RARB: variants seen among roughly 807,000 people sequenced by gnomAD.
RARB encodes retinoic acid receptor beta.
Under a neutral mutation model 51.9 loss-of-function variants are expected in RARB, and 17 were observed. That is an observed-to-expected ratio of 0.33 (90% CI 0.22 to 0.49). The LOEUF is 0.49. RARB is among the 20% of genes least tolerant of loss of function. The pLI, the probability that RARB is intolerant of heterozygous loss-of-function variation, is 0.99. For missense variants in RARB, 369 were observed against 550.8 expected (o/e 0.67, Z 3.30); for synonymous variants, 215 against 195.4 (o/e 1.10, Z -0.84).
chr3:25,068,885 C>A (rs568020317), intron 3 of RARB, among the ~76,000 whole-genome samples: 49 of 152,036 alleles, frequency 3.2e-4, no homozygotes, highest in Middle Eastern at 3.4e-3. Context: ...CAATCAGCCA[C>A]ATGAGACCTT....
At chr3:25,197,667 A>G (rs913659385) in intron 5 of RARB, among the ~76,000 whole-genome samples, 6 of 152,048 alleles carry the variant, frequency 3.9e-5, no homozygotes, top group Admixed American at 1.3e-4. Context: ...GAAAAGGTAA[A>G]TGGAATTACT....
chr3:25,287,173 T>C lies in RARB; in HGVS notation c.178+112598T>C, dbSNP rs192321798. On this transcript the variant is annotated intron_variant, in intron 5 of 11. Transcript: ENST00000383772. Reference sequence around the variant, plus strand: ...ATGCATTGTTGAAATGCATAACATCTTGAACAAAGTTAACAACCTATGGTG... The same window carrying C: ...ATGCATTGTTGAAATGCATAACATCCTGAACAAAGTTAACAACCTATGGTG... 4.6e-5 allele frequency among the ~76,000 whole-genome samples: 7 copies of C among 152,372 alleles called. No homozygotes were observed. The East Asian group carries it at 1.4e-3, about 29-fold the overall frequency.
At chr3:25,056,143 T>A (rs1304332482) in intron 2 of RARB, among the ~76,000 whole-genome samples, 1 of 152,128 alleles carries the variant, frequency 6.6e-6, no homozygotes, top group African/African-American at 2.4e-5. Context: ...TATTTCCTGC[T>A]GGTAACAGGC....
intron 5 of RARB, among the ~76,000 whole-genome samples, chr3:25,370,395 G>T (rs568800555): frequency 6.6e-6 from 1 of 152,296 alleles, no homozygotes; most frequent in East Asian, 1.9e-4. Flanking sequence ...GGGTAGCAAG[G>T]TGCTTACACA....
chr3:24,909,826 TAGG>T (rs1694949817), intron 2 of RARB, among the ~76,000 whole-genome samples: 1 of 152,204 alleles, frequency 6.6e-6, no homozygotes, highest in Non-Finnish European at 1.5e-5. Context: ...TCTGATTGTG[TAGG>T]GCATAGAATT....
At chr3:25,447,586 G>A (rs188559223) in intron 1 of RARB, among the ~76,000 whole-genome samples, 1 of 152,268 alleles carries the variant, frequency 6.6e-6, no homozygotes, top group Non-Finnish European at 1.5e-5. Context: ...CAATGATTTG[G>A]GACTTTGGGT....
At chr3:25,396,080 C>T (rs1707105332) in intron 5 of RARB, among the ~76,000 whole-genome samples, 1 of 152,166 alleles carries the variant, frequency 6.6e-6, no homozygotes, top group Non-Finnish European at 1.5e-5. Context: ...TCCCCCTTCC[C>T]CTAGGGATGT....
At chr3:24,977,484 G>T (rs937790262) in intron 2 of RARB, among the ~76,000 whole-genome samples, 2 of 152,136 alleles carry the variant, frequency 1.3e-5, no homozygotes, top group Non-Finnish European at 2.9e-5. Context: ...CACATCCCTT[G>T]TAAGTTGGAT....
At chr3:25,490,819 G>A (rs1323051659) in intron 2 of RARB, among the ~76,000 whole-genome samples, 1 of 152,108 alleles carries the variant, frequency 6.6e-6, no homozygotes, top group Non-Finnish European at 1.5e-5. Context: ...CCAAGGAAGG[G>A]CACAAAATAA....
intron 5 of RARB, among the ~76,000 whole-genome samples, chr3:25,322,016 AAGAC>A (rs376144888): frequency 1.0e-3 from 154 of 152,326 alleles, no homozygotes; most frequent in Middle Eastern, 6.8e-3. Context: ...TAGAAAAAAA[AAGAC>A]AGAAGGAAAG....
At chr3:25,129,350 A>G (rs1474194701) in intron 3 of RARB, among the ~76,000 whole-genome samples, 1 of 152,060 alleles carries the variant, frequency 6.6e-6, no homozygotes, top group East Asian at 1.9e-4. Flanking sequence ...CAATTACAGT[A>G]TGTCTTTTTT....
At chr3:25,316,646 T>G (rs1704432715) in intron 5 of RARB, among the ~76,000 whole-genome samples, 1 of 152,176 alleles carries the variant, frequency 6.6e-6, no homozygotes, top group Non-Finnish European at 1.5e-5. Flanking sequence ...GGGCATAAAT[T>G]AGACCACAAA....
chr3:25,178,411 C>T (rs921634892), intron 5 of RARB, among the ~76,000 whole-genome samples: 2 of 152,030 alleles, frequency 1.3e-5, no homozygotes, highest in African/African-American at 2.4e-5. Flanking sequence ...TTAATAGCCT[C>T]GATGTCACTG....
At position 25,062,538 on chromosome 3, in the gene RARB, A is replaced by G. The variant is rs557168705; in HGVS notation, c.-328+2362A>G. ...ATGTTCAAAATGTTCACTGTGTATT[A>G]TAACTGAAAATCAAAGCCTGCTTAA... is the stretch of plus-strand genomic sequence containing the variant. On this transcript the variant is annotated intron_variant, in intron 3 of 11. Coordinates refer to the RARB transcript ENST00000383772. Among the ~76,000 whole-genome samples the G allele has an allele frequency of 2.0e-4, 30 of 152,090 alleles. No individual in the cohort carries two copies. In the East Asian group the frequency reaches 3.1e-3, roughly 16 times the overall value.
intron 2 of RARB, among the ~76,000 whole-genome samples, chr3:24,926,989 T>G (rs1405765687): frequency 6.6e-6 from 1 of 152,100 alleles, no homozygotes; most frequent in Non-Finnish European, 1.5e-5. Flanking sequence ...TTCACTAGTT[T>G]AGAGTACACA....
At chr3:25,558,322 A>G (rs1487529138) in intron 3 of RARB, among the ~76,000 whole-genome samples, 1 of 152,132 alleles carries the variant, frequency 6.6e-6, no homozygotes, top group African/African-American at 2.4e-5. Flanking sequence ...TCCATTGCCA[A>G]AACCAATGAA....
intron 2 of RARB, among the ~76,000 whole-genome samples, chr3:25,485,089 A>C (rs752015657): frequency 2.6e-5 from 4 of 152,222 alleles, no homozygotes; most frequent in Non-Finnish European, 5.9e-5. Flanking sequence ...TAAAAGTAAA[A>C]ATTATTTTCT....
At chr3:25,365,199 C>CTTTTTTTTTTTT (rs3035063) in intron 5 of RARB, among the ~76,000 whole-genome samples, 1 of 75,456 alleles carries the variant, frequency 1.3e-5, no homozygotes, top group African/African-American at 4.8e-5. Context: ...TTCTTTCTTT[C>CTTTTTTTTTTTT]TTTTTTTTTT....
chr3:25,329,577 A>G (rs904120660), intron 5 of RARB, among the ~76,000 whole-genome samples: 4 of 152,212 alleles, frequency 2.6e-5, no homozygotes, highest in African/African-American at 9.7e-5. Context: ...AGAAAAGCTG[A>G]AAATTCTAAA....
Sources: gnomAD v4.1 joint callset for allele counts (sites outside exome capture counted in the v4.1 genomes callset) on GRCh38, gnomAD v4.1.1 for gene constraint, MANE v1.5 for transcripts, NCBI Gene and HGNC (gene_info 2026-07-23, HGNC 2026-07-21) for gene names.